The following CCDC175 variants were observed in gnomAD, a reference collection of about 807,000 sequenced individuals.
CCDC175 encodes coiled-coil domain containing 175, also known as coiled-coil domain-containing protein 175.
Under a neutral mutation model 114.6 loss-of-function variants are expected in CCDC175, and 100 were observed. That is an observed-to-expected ratio of 0.87 (90% CI 0.74 to 1.03). The LOEUF is 1.03. Ranked by LOEUF, CCDC175 falls within the 50% of genes least tolerant of loss-of-function variation. The pLI is 0.00. For missense variants in CCDC175, 880 were observed against 917.8 expected (o/e 0.96, Z 0.53); for synonymous variants, 306 against 308.7 (o/e 0.99, Z 0.09).
chr14:59,538,755 T>C lies in CCDC175; in HGVS notation c.1441A>G (p.Thr481Ala). 1 of 1,536,504 alleles carries C rather than the reference T, an allele frequency of 6.5e-7. No homozygotes were observed. Among genetic ancestry groups the C allele is most frequent in the Non-Finnish European group, 8.7e-7 (1 of 1,146,486 alleles). ...ACTTCTGCATTCTGAATTTTTTCTG[T>C]AATAGCTTGTATTTCAGCTTTTATC... The part of the protein sequence containing the change: ...AKIKAEIQAI[T>A]EKIQNAEVRR... The change falls in exon 12 of 20, where the codon ACA (threonine) becomes GCA (alanine). Residue 481 changes from threonine to alanine, a missense_variant. Physicochemically the swap from Thr to Ala is moderately conservative, Grantham distance 58. Coordinates refer to ENST00000537690, the MANE Select transcript of CCDC175 (RefSeq NM_001164399.2).
intron 14 of CCDC175, among the ~76,000 whole-genome samples, chr14:59,528,503 G>A (rs569554616): frequency 1.7e-4 from 26 of 151,928 alleles, no homozygotes; most frequent in African/African-American, 6.0e-4. Context: ...TACTTACTTC[G>A]TCATATATAG....
intron 10 of CCDC175, among the ~76,000 whole-genome samples, chr14:59,541,081 T>C (rs550289297): frequency 6.6e-6 from 1 of 152,162 alleles, no homozygotes; most frequent in South Asian, 2.1e-4. Context: ...AAGGAAAGGG[T>C]GTCATCATTT....
chr14:59,514,216 A>G lies in CCDC175; in HGVS notation c.2099-2413T>C, dbSNP rs573648354. ...GTAGATAAAACCACAAAGATGGGGA[A>G]AAAACAGAGCAGAAAAACTGGAAAT... On this transcript the variant is annotated intron_variant, in intron 17 of 19. Transcript: ENST00000537690. Among the ~76,000 whole-genome samples the G allele has an allele frequency of 3.3e-5, 5 of 152,348 alleles. No individual in the cohort carries two copies. The East Asian group carries it at 5.8e-4, about 18-fold the overall frequency.
intron 15 of CCDC175, among the ~76,000 whole-genome samples, chr14:59,526,061 A>G (rs1893715826): frequency 6.6e-6 from 1 of 152,164 alleles, no homozygotes; most frequent in African/African-American, 2.4e-5. Context: ...GAGGCTTTTA[A>G]AGGAGGACTT....
At chr14:59,564,976 AAATT>A (rs1267139465) in intron 5 of CCDC175, 67 bp downstream of exon 5, 2 of 1,185,502 alleles carry the variant, frequency 1.7e-6, no homozygotes, top group East Asian at 2.5e-5. Flanking sequence ...GAGGACAAAT[AAATT>A]ATTTCCCATT....
rs1339535730 is a variant in CCDC175, at chr14:59,527,106, T to C, written c.1831A>G (p.Ile611Val). ...FLFTRDFSRY[I>V]SNMEDVKQEL... ...CATTGATCTTTTACCATGTTGCTAA[T>C]GTATCTTGAAAAGTCCCTTGTAAAC... The change falls in exon 15 of 20, where the codon ATT (isoleucine) becomes GTT (valine). Residue 611 changes from isoleucine (I) to valine (V), a missense_variant. Ile to Val is a conservative substitution (Grantham distance 29). Transcript: ENST00000537690. 2.1e-6 allele frequency: 3 copies of C among 1,452,698 alleles called. No homozygotes were observed. Among genetic ancestry groups the C allele is most frequent in the East Asian group, 5.2e-5 (2 of 38,424 alleles). 90.0% of individuals were successfully genotyped at this position (1,452,698 alleles called of 1,614,324 possible).
At chr14:59,543,645 A>G (rs2140046426) in intron 9 of CCDC175, among the ~76,000 whole-genome samples, 191 bp from the exon 10 acceptor site, 1 of 152,178 alleles carries the variant, frequency 6.6e-6, no homozygotes, top group African/African-American at 2.4e-5. Flanking sequence ...CTTTTTTTCA[A>G]ATTTTTTCCC....
At chr14:59,526,277 C>A (rs1329177491) in intron 15 of CCDC175, among the ~76,000 whole-genome samples, 1 of 151,448 alleles carries the variant, frequency 6.6e-6, no homozygotes, top group Non-Finnish European at 1.5e-5. Context: ...TCATATTTTC[C>A]TATATATTCC....
At chr14:59,548,720 G>T (rs1210457834) in intron 8 of CCDC175, among the ~76,000 whole-genome samples, 1 of 152,184 alleles carries the variant, frequency 6.6e-6, no homozygotes, top group Non-Finnish European at 1.5e-5. Flanking sequence ...ACCTTGTCTG[G>T]TTTCTGTCTG....
chr14:59,530,811 C>A (rs1166685911), intron 14 of CCDC175, among the ~76,000 whole-genome samples: 1 of 152,170 alleles, frequency 6.6e-6, no homozygotes, highest in Non-Finnish European at 1.5e-5. Flanking sequence ...TCTTTGCTAA[C>A]CAGTAGACAA....
chr14:59,561,074 A>G, intron 7 of CCDC175, 45 bp downstream of exon 7: 4 of 955,710 alleles, frequency 4.2e-6, no homozygotes, highest in Non-Finnish European at 6.4e-6. Context: ...ATATCATATT[A>G]ACATATCTCG....
rs779502622 is a variant in CCDC175, at chr14:59,565,046, C to T, written c.720+1G>A. The T allele has an allele frequency of 7.3e-6, 11 of 1,507,116 alleles. No individual in the cohort carries two copies. In the South Asian group the frequency reaches 1.2e-4, roughly 17 times the overall value. The allele number at this position is 1,507,116 out of a possible 1,614,324, so 93.4% of individuals were successfully genotyped here. ...TTTAAAGAATAAATCATGCCACTTA[C>T]CTGTGCAGTCAACTCTTGTTTTCTT... is the stretch of plus-strand genomic sequence containing the variant. On this transcript the variant is annotated splice_donor_variant, in intron 5 of 19. Transcript: ENST00000537690. LOFTEE classifies it high-confidence loss of function.
chr14:59,536,078 T>C (rs1289068230), intron 13 of CCDC175, among the ~76,000 whole-genome samples: 3 of 152,192 alleles, frequency 2.0e-5, no homozygotes, highest in Admixed American at 2.0e-4. Flanking sequence ...AATCTTGTCA[T>C]AGATACTTCT....
chr14:59,570,066 C>T (rs1449541908), intron 3 of CCDC175, among the ~76,000 whole-genome samples: 2 of 152,112 alleles, frequency 1.3e-5, no homozygotes, highest in Non-Finnish European at 2.9e-5. Flanking sequence ...TTAGGGGTAC[C>T]TGCCCACAGA....
rs528377248 is a variant in CCDC175, at chr14:59,544,122, A to C, written c.1173-668T>G. The stretch of plus-strand genomic sequence containing the variant: ...GCTCAACGGATGAATGAATTTAATA[A>C]GATGTAAAGTGCTCCTCTCAGCGTG... On this transcript the variant is annotated intron_variant, in intron 9 of 19. Coordinates refer to ENST00000537690, the MANE Select transcript of CCDC175 (RefSeq NM_001164399.2). Among the ~76,000 whole-genome samples the C allele has an allele frequency of 1.2e-4, 18 of 152,300 alleles. No individual in the cohort carries two copies. In the South Asian group the frequency reaches 3.7e-3, roughly 32 times the overall value.
chr14:59,518,868 T>G (rs1351920039), intron 17 of CCDC175, among the ~76,000 whole-genome samples: 1 of 152,134 alleles, frequency 6.6e-6, no homozygotes, highest in Non-Finnish European at 1.5e-5. Flanking sequence ...CACATGCACA[T>G]GTATGTTTAT....
intron 14 of CCDC175, among the ~76,000 whole-genome samples, chr14:59,530,834 T>C (rs1894029318): frequency 1.3e-5 from 2 of 152,332 alleles, no homozygotes; most frequent in Non-Finnish European, 2.9e-5. Context: ...TTTGTTCCCA[T>C]TGTAGTCCTT....
chr14:59,521,418 TG>T (rs1460252269), intron 17 of CCDC175, among the ~76,000 whole-genome samples, 155 bp downstream of exon 17: 6 of 152,190 alleles, frequency 3.9e-5, no homozygotes, highest in Non-Finnish European at 8.8e-5. Context: ...CTGGATTCCT[TG>T]CTCCTCAACT....
At chr14:59,561,098 A>G in intron 7 of CCDC175, 21 bp downstream of exon 7, 1 of 1,252,544 alleles carries the variant, frequency 8.0e-7, no homozygotes, top group Non-Finnish European at 1.1e-6. Flanking sequence ...CATTTAAGTA[A>G]AAATAAAGCA....
Sources: allele counts gnomAD v4.1 joint callset (sites outside exome capture counted in the v4.1 genomes callset), GRCh38; gene constraint gnomAD v4.1.1; transcripts MANE v1.5; gene names NCBI Gene and HGNC (gene_info 2026-07-23, HGNC 2026-07-21).